The following TCF12 variants were observed in gnomAD, a reference collection of about 807,000 sequenced individuals.
TCF12 encodes the protein DNA-binding protein HTF4.
Under a neutral mutation model 86.0 loss-of-function variants are expected in TCF12, and 45 were observed. The observed-to-expected ratio is 0.52, with a 90% CI of 0.41 to 0.67. The LOEUF is 0.67. Among genes scored for constraint, TCF12 ranks in the 30% least tolerant of loss-of-function variants. The pLI is 0.00. For missense variants in TCF12, 881 were observed against 859.9 expected (o/e 1.02, Z -0.31); for synonymous variants, 330 against 299.6 (o/e 1.10, Z -1.05).
intron 7 of TCF12, among the ~76,000 whole-genome samples, chr15:57,196,808 G>A (rs867710921): frequency 7.9e-5 from 12 of 152,158 alleles, no homozygotes; most frequent in African/African-American, 2.9e-4. Flanking sequence ...AATTAATGCT[G>A]TAGTTGTGGT....
At chr15:56,967,796 C>G (rs114674810) in intron 3 of TCF12, among the ~76,000 whole-genome samples, 1,764 of 152,076 alleles carry the variant, frequency 0.012, 32 homozygotes, top group African/African-American at 0.04. Context: ...GCCATTGGAA[C>G]CTTTCTTATC....
chr15:57,008,637 G>T (rs2064629735), intron 3 of TCF12, among the ~76,000 whole-genome samples: 1 of 152,046 alleles, frequency 6.6e-6, no homozygotes, highest in African/African-American at 2.4e-5. Flanking sequence ...TATTGTCCAA[G>T]TATTCATAAT....
intron 6 of TCF12, among the ~76,000 whole-genome samples, chr15:57,187,580 A>G (rs571858955): frequency 1.3e-5 from 2 of 152,324 alleles, no homozygotes; most frequent in East Asian, 3.9e-4. Flanking sequence ...GTTGAGCCAC[A>G]TTCAAAGCCG....
chr15:57,270,428 C>T (rs1446000701), intron 18 of TCF12, among the ~76,000 whole-genome samples: 2 of 152,174 alleles, frequency 1.3e-5, no homozygotes, highest in Non-Finnish European at 2.9e-5. Context: ...AAGGTCTTCT[C>T]TATGCTGGAT....
chr15:56,989,489 A>G (rs2063342152), intron 3 of TCF12, among the ~76,000 whole-genome samples: 1 of 152,208 alleles, frequency 6.6e-6, no homozygotes, highest in Non-Finnish European at 1.5e-5. Flanking sequence ...AATCCTGGCT[A>G]TAGTTTGCAA....
At chr15:57,009,703 G>A (rs766563112) in intron 3 of TCF12, among the ~76,000 whole-genome samples, 1 of 152,192 alleles carries the variant, frequency 6.6e-6, no homozygotes, top group East Asian at 1.9e-4. Context: ...CAAAGATTAA[G>A]TTCACGTAGG....
rs866601768 is a variant in TCF12 at position 57,150,893 on chromosome 15, T to C, written c.326-15509T>C. 4.7e-3 allele frequency among the ~76,000 whole-genome samples: 554 copies of C among 118,178 alleles called. 9 individuals are homozygous for C. The highest frequency in any genetic ancestry group is 6.1e-3 in the African/African-American group (186 of 30,478). The allele number at this position is 118,178 out of a possible 152,430, so 77.5% of individuals were successfully genotyped here. A position where few individuals can be genotyped will look rare whatever the true frequency, so the allele number is the denominator to read the frequency against. On this transcript the variant is annotated intron_variant, in intron 5 of 20. Coordinates refer to ENST00000333725, the MANE Select transcript of TCF12 (RefSeq NM_207037.2). ...TCTGTCCCTTCCTTCCTTCCTTCCTTCCTTCCTTCCTTCCTTCCTTCCTTC... is the reference window on the plus strand; with the variant it reads ...TCTGTCCCTTCCTTCCTTCCTTCCTCCCTTCCTTCCTTCCTTCCTTCCTTC...
At chr15:56,973,954 A>T (rs1438448707) in intron 3 of TCF12, among the ~76,000 whole-genome samples, 3 of 152,166 alleles carry the variant, frequency 2.0e-5, no homozygotes, top group Non-Finnish European at 2.9e-5. Context: ...ATTCTACAAG[A>T]TAACTGAGAA....
At chr15:57,273,477 T>C (rs1276141229) in intron 19 of TCF12, among the ~76,000 whole-genome samples, 3 of 151,492 alleles carry the variant, frequency 2.0e-5, no homozygotes, top group African/African-American at 7.3e-5. Flanking sequence ...TAGAGAGTAA[T>C]TCTGTGAAGC....
At chr15:57,153,812 A>C (rs1383223697) in intron 5 of TCF12, among the ~76,000 whole-genome samples, 2 of 151,964 alleles carry the variant, frequency 1.3e-5, no homozygotes, top group Admixed American at 6.6e-5. Flanking sequence ...GCTTGAGGGC[A>C]GGAGTTCCAG....
At chr15:57,126,998 GGAGA>G (rs1278522127) in intron 5 of TCF12, among the ~76,000 whole-genome samples, 1 of 92,058 alleles carries the variant, frequency 1.1e-5, no homozygotes, top group South Asian at 3.2e-4. Context: ...TTTTTTTTTT[GGAGA>G]GAGAGAGTCT....
chr15:57,066,929 C>T (rs16977232), intron 4 of TCF12, among the ~76,000 whole-genome samples: 6,304 of 152,264 alleles, frequency 0.041, 364 homozygotes, highest in African/African-American at 0.13. Flanking sequence ...ATTTGCCTTA[C>T]AGGGTCCTGA....
intron 5 of TCF12, among the ~76,000 whole-genome samples, chr15:57,125,642 CAAG>C (rs1446103462): frequency 6.6e-6 from 1 of 152,150 alleles, no homozygotes; most frequent in Non-Finnish European, 1.5e-5. Flanking sequence ...TTCTAGAAAG[CAAG>C]AAGTTTTCTC....
chr15:56,962,951 G>A (rs1445123860), intron 3 of TCF12, among the ~76,000 whole-genome samples: 1 of 149,328 alleles, frequency 6.7e-6, no homozygotes, highest in Admixed American at 6.7e-5. Flanking sequence ...AAATGCTCAT[G>A]ATTTATATAT....
At chr15:57,173,524 G>C (rs1309443760) in intron 6 of TCF12, among the ~76,000 whole-genome samples, 1 of 151,690 alleles carries the variant, frequency 6.6e-6, no homozygotes, top group Non-Finnish European at 1.5e-5. Flanking sequence ...AAGAGAACAA[G>C]AACACAAATT....
At chr15:57,058,309 G>T (rs540062726) in intron 3 of TCF12, among the ~76,000 whole-genome samples, 37 of 152,198 alleles carry the variant, frequency 2.4e-4, no homozygotes, top group African/African-American at 8.9e-4. Context: ...ATCTTTACAG[G>T]GCATTTGTAT....
intron 5 of TCF12, among the ~76,000 whole-genome samples, chr15:57,154,212 A>G (rs2053962150): frequency 6.6e-6 from 1 of 152,172 alleles, no homozygotes; most frequent in Non-Finnish European, 1.5e-5. Context: ...GTTTTTGCAC[A>G]TAATTTTAAG....
intron 3 of TCF12, among the ~76,000 whole-genome samples, chr15:57,056,647 TAG>T (rs1319496872): frequency 2.0e-5 from 3 of 151,890 alleles, no homozygotes; most frequent in Non-Finnish European, 4.4e-5. Flanking sequence ...TTTGTAGACA[TAG>T]AGTTTTGCCA....
At chr15:57,176,575 T>C (rs978666693) in intron 6 of TCF12, among the ~76,000 whole-genome samples, 2 of 152,204 alleles carry the variant, frequency 1.3e-5, no homozygotes, top group African/African-American at 2.4e-5. Context: ...GCGTCTGTTA[T>C]TATTATTCCT....
Sources: gnomAD v4.1 joint callset for allele counts (sites outside exome capture counted in the v4.1 genomes callset) on GRCh38, gnomAD v4.1.1 for gene constraint, MANE v1.5 for transcripts, NCBI Gene and HGNC (gene_info 2026-07-23, HGNC 2026-07-21) for gene names.